Variants in NFAT5 observed in about 807,000 individuals in gnomAD.
NFAT5 encodes the protein nuclear factor of activated T cells 5.
NFAT5 carries 31 observed loss-of-function variants against 166.5 expected under a neutral mutation model. That is an observed-to-expected ratio of 0.19 (90% confidence interval 0.14 to 0.25). The LOEUF (loss-of-function observed/expected upper bound fraction) is 0.25, where lower values mean the gene tolerates loss of function less well. Among genes scored for constraint, NFAT5 ranks in the 10% least tolerant of loss-of-function variants. The pLI is 1.00. For synonymous variants in NFAT5, 612 were observed against 639.7 expected (o/e 0.96, Z 0.65); for missense variants, 1,449 against 1,821.8 (o/e 0.80, Z 3.72).
chr16:69,640,127 C>G (rs1387741672), intron 3 of NFAT5, among the ~76,000 whole-genome samples: 1 of 152,084 alleles, frequency 6.6e-6, no homozygotes, highest in East Asian at 1.9e-4. Context: ...TATTAATACA[C>G]TTAACTTGCA....
At chr16:69,570,673 G>A (rs1370396912) in intron 2 of NFAT5, among the ~76,000 whole-genome samples, 1 of 151,944 alleles carries the variant, frequency 6.6e-6, no homozygotes, top group African/African-American at 2.4e-5. Context: ...AAAGTCTCTT[G>A]TGACTCTCCT....
At chr16:69,684,454 G>T (rs1028922073) in intron 10 of NFAT5, among the ~76,000 whole-genome samples, 2 of 150,432 alleles carry the variant, frequency 1.3e-5, no homozygotes, top group Non-Finnish European at 3.0e-5. Flanking sequence ...CCAGCTACTC[G>T]GGAGGCTGAG....
rs777621055 is a variant in NFAT5 at position 69,595,006 on chromosome 16, GTTGTGCTGGCAGCTGA to G, written c.127+26461_127+26476del. ...CGTTCTTCTGCCTGCTTTTATTATG[GTTGTGCTGGCAGCTGA>G]TTAGATTGTACCCACTCAGATTGAG... On this transcript the variant is annotated intron_variant, in intron 2 of 14. Transcript: ENST00000349945. Among the ~76,000 whole-genome samples, 6 of 152,212 alleles carry G rather than the reference GTTGTGCTGGCAGCTGA, an allele frequency of 3.9e-5. No individual in the cohort carries two copies. In the South Asian group the frequency reaches 1.2e-3, roughly 32 times the overall value.
At chr16:69,568,020 A>G (rs1278439001) in intron 1 of NFAT5, among the ~76,000 whole-genome samples, 2 of 152,188 alleles carry the variant, frequency 1.3e-5, no homozygotes, top group African/African-American at 4.8e-5. Flanking sequence ...GCTTAAAAAT[A>G]CACTGCAGTT....
chr16:69,618,442 A>C (rs1252342860), intron 2 of NFAT5, among the ~76,000 whole-genome samples: 1 of 152,224 alleles, frequency 6.6e-6, no homozygotes, highest in Non-Finnish European at 1.5e-5. Flanking sequence ...CTGAATATCC[A>C]GTGGACCTGC....
chr16:69,649,031 T>G, intron 4 of NFAT5: 1 of 913,292 alleles, frequency 1.1e-6, no homozygotes, highest in Non-Finnish European at 1.3e-6. Flanking sequence ...AAAGTCCAGT[T>G]TAGTAAATTA....
rs561823051 is a variant in NFAT5, at chr16:69,580,292, C to T, written c.127+11744C>T. On this transcript the variant is annotated intron_variant, in intron 2 of 14. Transcript: ENST00000349945. ...CCTGTATTCCCAGCACTTTGGGAGG[C>T]CAAGGTGGGTGGATCACCTGAGGTC... 2.6e-3 allele frequency among the ~76,000 whole-genome samples: 402 copies of T among 152,040 alleles called. 1 individual carries two copies. The highest frequency in any genetic ancestry group is 9.6e-3 in the African/African-American group (397 of 41,470).
chr16:69,691,637 AGT>A (rs2037548745), intron 12 of NFAT5, 110 bp from the exon 13 acceptor site: 3 of 740,206 alleles, frequency 4.1e-6, no homozygotes, highest in African/African-American at 3.6e-5. Flanking sequence ...AATAATATAG[AGT>A]GGAAAGCTGG....
chr16:69,629,466 T>C (rs973763943), intron 3 of NFAT5, among the ~76,000 whole-genome samples: 1 of 152,168 alleles, frequency 6.6e-6, no homozygotes, highest in African/African-American at 2.4e-5. Flanking sequence ...TTCATACTTT[T>C]ATGCACTCCC....
intron 2 of NFAT5, among the ~76,000 whole-genome samples, chr16:69,610,297 A>G (rs2033647779): frequency 6.6e-6 from 1 of 152,124 alleles, no homozygotes; most frequent in African/African-American, 2.4e-5. Flanking sequence ...GTAGTAGGAT[A>G]TTCTGGTAAT....
At chr16:69,584,574 C>A (rs2031918461) in intron 2 of NFAT5, among the ~76,000 whole-genome samples, 1 of 151,926 alleles carries the variant, frequency 6.6e-6, no homozygotes, top group African/African-American at 2.4e-5. Context: ...AAGTAATCCA[C>A]CTGCCTCGGC....
In NFAT5 at chr16:69,694,016, A is replaced by C. The variant is rs774705037; in HGVS notation, c.4191A>C (p.Ala1397=). The change falls in exon 13 of 15, where the codon GCA becomes GCC. Residue 1397 remains alanine (A), a synonymous_variant. Coordinates refer to ENST00000349945, the MANE Select transcript of NFAT5 (RefSeq NM_138713.4). The stretch of plus-strand genomic sequence containing the variant: ...AAGTAACTCTCTTCTTATCTCCAGC[A>C]TCCATGTCTGCCTTGCAGACCAGTA... ...EQQVTLFLSP[A]SMSALQTSIN... The C allele has an allele frequency of 3.7e-6, 6 of 1,614,064 alleles. No homozygotes were observed. In the African/African-American group the frequency reaches 8.0e-5, roughly 22 times the overall value.
chr16:69,623,624 C>T (rs898615928), intron 2 of NFAT5, among the ~76,000 whole-genome samples: 1 of 151,934 alleles, frequency 6.6e-6, no homozygotes, highest in Non-Finnish European at 1.5e-5. Flanking sequence ...TCTCCTGCCT[C>T]AGCCTCCCAA....
At chr16:69,639,735 G>T (rs1034379519) in intron 3 of NFAT5, among the ~76,000 whole-genome samples, 23 of 152,174 alleles carry the variant, frequency 1.5e-4, no homozygotes, top group African/African-American at 5.6e-4. Context: ...TTTTTTTACA[G>T]TGTAAGTGCA....
intron 13 of NFAT5, 27 bp downstream of exon 13, chr16:69,694,266 T>G (rs755463278): frequency 6.5e-7 from 1 of 1,529,804 alleles, no homozygotes; most frequent in Admixed American, 1.8e-5. Context: ...TTTCATTACT[T>G]AATTGGTCAT....
chr16:69,661,778 G>A (rs745342809), intron 7 of NFAT5, among the ~76,000 whole-genome samples: 8 of 152,032 alleles, frequency 5.3e-5, no homozygotes, highest in Non-Finnish European at 1.2e-4. Context: ...AAACTTCATA[G>A]TTAATTCAAT....
rs1353907066 is a variant in NFAT5, at chr16:69,568,556, A to G, written c.127+8A>G. The G allele has an allele frequency of 3.1e-6, 5 of 1,609,532 alleles. No individual in the cohort carries two copies. In the African/African-American group the frequency reaches 5.3e-5, roughly 17 times the overall value. On this transcript the variant is annotated splice_region_variant and intron_variant, in intron 2 of 14. Transcript: ENST00000349945. ...GAGCTGGACTATTGGAAGGTCAGCA[A>G]AGTACCATTTTAAAGCATATTGTGT...
intron 13 of NFAT5, among the ~76,000 whole-genome samples, chr16:69,694,833 C>G (rs1177364981): frequency 6.6e-6 from 1 of 152,170 alleles, no homozygotes; most frequent in African/African-American, 2.4e-5. Flanking sequence ...GAGGTAGAAA[C>G]TCATCTTTAA....
intron 2 of NFAT5, among the ~76,000 whole-genome samples, chr16:69,583,060 A>G (rs1014719895): frequency 2.0e-5 from 3 of 151,702 alleles, no homozygotes; most frequent in African/African-American, 7.2e-5. Flanking sequence ...AAATTTATTT[A>G]TAAGTATTCC....
Sources: allele counts gnomAD v4.1 joint callset (sites outside exome capture counted in the v4.1 genomes callset), GRCh38; gene constraint gnomAD v4.1.1; transcripts MANE v1.5; gene names NCBI Gene and HGNC (gene_info 2026-07-23, HGNC 2026-07-21).